Variants in TMEM45A observed in about 807,000 individuals in gnomAD.
TMEM45A encodes the protein transmembrane protein 45A, also known as DNA polymerase-transactivated protein 4.
In TMEM45A, 25 loss-of-function variants were observed where a neutral mutation model predicts 32.0. The ratio of observed to expected loss-of-function variants is 0.78; its 90% CI spans 0.57 to 1.09. The LOEUF is 1.09. Ranked by LOEUF, TMEM45A falls within the 50% of genes least tolerant of loss-of-function variation. TMEM45A has a pLI of 0.00. For synonymous variants in TMEM45A, 122 were observed against 114.8 expected (o/e 1.06, Z -0.40); for missense variants, 302 against 325.0 (o/e 0.93, Z 0.54).
chr3:100,544,178 G>A (rs1295566857), intron 1 of TMEM45A, among the ~76,000 whole-genome samples: 4 of 151,940 alleles, frequency 2.6e-5, no homozygotes, highest in African/African-American at 9.7e-5. Context: ...ATGCAGGGAT[G>A]GAGTGGTGGA....
At chr3:100,522,217 G>A (rs886577808) in intron 1 of TMEM45A, among the ~76,000 whole-genome samples, 3 of 152,182 alleles carry the variant, frequency 2.0e-5, no homozygotes, top group East Asian at 3.9e-4. Flanking sequence ...GTTGGGAAGC[G>A]AGGTGTGGAG....
intron 1 of TMEM45A, among the ~76,000 whole-genome samples, chr3:100,547,480 A>G (rs1449674255): frequency 2.6e-5 from 4 of 152,188 alleles, no homozygotes; most frequent in South Asian, 2.1e-4. Flanking sequence ...GAAGAAAATC[A>G]TAAGGAAGAT....
At chr3:100,565,038 G>A (rs530101421) in intron 4 of TMEM45A, among the ~76,000 whole-genome samples, 1 of 152,172 alleles carries the variant, frequency 6.6e-6, no homozygotes, top group African/African-American at 2.4e-5. Context: ...AAGAGTATGG[G>A]TGGGAGAAAG....
At chr3:100,512,923 A>G (rs1708192438) in intron 1 of TMEM45A, among the ~76,000 whole-genome samples, 1 of 151,952 alleles carries the variant, frequency 6.6e-6, no homozygotes, top group African/African-American at 2.4e-5. Flanking sequence ...AGACTAAACC[A>G]GGAAGAAGTT....
At chr3:100,571,268 C>T (rs1441197022) in intron 5 of TMEM45A, 4 of 152,134 alleles carry the variant, frequency 2.6e-5, no homozygotes, top group Non-Finnish European at 5.9e-5. Context: ...GTCCAATATA[C>T]ATTCACATTA....
At chr3:100,515,175 C>G (rs1463559961) in intron 1 of TMEM45A, among the ~76,000 whole-genome samples, 1 of 151,940 alleles carries the variant, frequency 6.6e-6, no homozygotes, top group East Asian at 1.9e-4. Flanking sequence ...GACACATGCA[C>G]ACGTATGTTT....
At chr3:100,510,493 A>G (rs1708142209) in intron 1 of TMEM45A, among the ~76,000 whole-genome samples, 1 of 152,242 alleles carries the variant, frequency 6.6e-6, no homozygotes, top group Non-Finnish European at 1.5e-5. Flanking sequence ...AAAGACCAAA[A>G]GTAGATAAAA....
chr3:100,558,297 G>C (rs151137649), intron 3 of TMEM45A, 108 bp from the exon 4 acceptor site: 1 of 1,374,176 alleles, frequency 7.3e-7, no homozygotes, highest in East Asian at 2.3e-5. Flanking sequence ...TGCTCTTTTG[G>C]ACAAATGTGT....
intron 4 of TMEM45A, among the ~76,000 whole-genome samples, chr3:100,563,818 G>A (rs1706377667): frequency 6.6e-6 from 1 of 152,112 alleles, no homozygotes; most frequent in Admixed American, 6.6e-5. Flanking sequence ...ATATAAAAGG[G>A]GTATTGCAAA....
At chr3:100,548,007 C>T (rs1460821064) in intron 1 of TMEM45A, among the ~76,000 whole-genome samples, 2 of 152,034 alleles carry the variant, frequency 1.3e-5, no homozygotes, top group Non-Finnish European at 2.9e-5. Context: ...AGCTGATGTT[C>T]CGTGGATGGT....
intron 1 of TMEM45A, among the ~76,000 whole-genome samples, chr3:100,546,724 G>A (rs1705986246): frequency 6.6e-6 from 1 of 152,202 alleles, no homozygotes; most frequent in Non-Finnish European, 1.5e-5. Context: ...GGAACAGAAG[G>A]AGATGCCTTT....
At chr3:100,512,531 C>T (rs1377970039) in intron 1 of TMEM45A, among the ~76,000 whole-genome samples, 2 of 151,986 alleles carry the variant, frequency 1.3e-5, no homozygotes, top group Non-Finnish European at 2.9e-5. Flanking sequence ...AGGAAAGATC[C>T]AAAATTGACA....
intron 1 of TMEM45A, among the ~76,000 whole-genome samples, chr3:100,518,303 C>T (rs544944186): frequency 1.3e-5 from 2 of 152,234 alleles, no homozygotes; most frequent in South Asian, 4.1e-4. Flanking sequence ...TTTCTGTATC[C>T]ACATGTGCAC....
intron 4 of TMEM45A, among the ~76,000 whole-genome samples, chr3:100,561,408 G>A (rs914506495): frequency 2.0e-5 from 3 of 152,090 alleles, no homozygotes; most frequent in South Asian, 2.1e-4. Context: ...TCTTGGAACC[G>A]TAAGTATGGA....
chr3:100,528,277 A>G (rs538632677), intron 1 of TMEM45A, among the ~76,000 whole-genome samples: 2 of 152,320 alleles, frequency 1.3e-5, no homozygotes, highest in South Asian at 2.1e-4. Flanking sequence ...CTAAGTCTGT[A>G]AGGCTCTATA....
chr3:100,543,509 A>C (rs1165366076), intron 1 of TMEM45A, among the ~76,000 whole-genome samples: 1 of 152,120 alleles, frequency 6.6e-6, no homozygotes, highest in Non-Finnish European at 1.5e-5. Flanking sequence ...CCTCACCAAC[A>C]CTTGATATAA....
At chr3:100,567,681 A>G (rs1241071212) in intron 4 of TMEM45A, among the ~76,000 whole-genome samples, 1 of 152,118 alleles carries the variant, frequency 6.6e-6, no homozygotes, top group Non-Finnish European at 1.5e-5. Flanking sequence ...TCTTTCAACA[A>G]TGTTATGCAG....
intron 1 of TMEM45A, among the ~76,000 whole-genome samples, chr3:100,535,170 G>T (rs1483496254): frequency 6.6e-6 from 1 of 151,750 alleles, no homozygotes; most frequent in East Asian, 1.9e-4. Context: ...ACCCAGGCTG[G>T]AGTACAGTGG....
intron 1 of TMEM45A, among the ~76,000 whole-genome samples, chr3:100,514,917 C>G (rs1436270146): frequency 6.7e-6 from 1 of 148,960 alleles, no homozygotes; most frequent in Non-Finnish European, 1.5e-5. Context: ...CAAATCAAAA[C>G]CACAATGAGA....
Sources: allele counts gnomAD v4.1 joint callset (sites outside exome capture counted in the v4.1 genomes callset), GRCh38; gene constraint gnomAD v4.1.1; transcripts MANE v1.5; gene names NCBI Gene and HGNC (gene_info 2026-07-23, HGNC 2026-07-21).